The following PPP2R2C variants were observed in gnomAD, a reference collection of about 807,000 sequenced individuals.
PPP2R2C encodes the protein protein phosphatase 2, regulatory subunit B, gamma.
PPP2R2C carries 10 observed loss-of-function variants against 45.3 expected under a neutral mutation model. The ratio of observed to expected loss-of-function variants is 0.22; its 90% CI spans 0.14 to 0.37. The LOEUF (loss-of-function observed/expected upper bound fraction) is 0.37, where lower values mean the gene tolerates loss of function less well. Among genes scored for constraint, PPP2R2C ranks in the 10% least tolerant of loss-of-function variants. PPP2R2C has a pLI of 1.00. For synonymous variants in PPP2R2C, 257 were observed against 245.4 expected (o/e 1.05, Z -0.44); for missense variants, 308 against 619.7 (o/e 0.50, Z 5.34).
At chr4:6,412,984 T>C (rs1172477020) in intron 1 of PPP2R2C, among the ~76,000 whole-genome samples, 1 of 152,192 alleles carries the variant, frequency 6.6e-6, no homozygotes, top group Admixed American at 6.5e-5. Flanking sequence ...CTGTTAGAAA[T>C]GTTTCTGTTG....
chr4:6,363,208 G>T (rs1381103753), intron 5 of PPP2R2C, among the ~76,000 whole-genome samples: 1 of 152,200 alleles, frequency 6.6e-6, no homozygotes, highest in African/African-American at 2.4e-5. Context: ...GCAGTTGTGT[G>T]CTGGTAACTT....
In PPP2R2C at chr4:6,328,714, C is replaced by T. The variant is rs762027840; in HGVS notation, c.1052+548G>A. On this transcript the variant is annotated intron_variant, in intron 8 of 8. Transcript: ENST00000382599. This position sits in a 1 kb window ranked among gnomAD's most constrained non-coding sequence, Gnocchi z 4.4. ...TTTCCAGGCAGGTGGGGTTGAGAGA[C>T]GGCTGGACTTGTGGATTGTGACAAG... Among the ~76,000 whole-genome samples the T allele has an allele frequency of 2.6e-5, 4 of 152,178 alleles. No individual in the cohort carries two copies. The highest frequency in any genetic ancestry group is 2.1e-4 in the South Asian group (1 of 4,832).
intron 1 of PPP2R2C, among the ~76,000 whole-genome samples, chr4:6,427,926 T>C (rs1292489708): frequency 6.6e-6 from 1 of 152,156 alleles, no homozygotes; most frequent in East Asian, 1.9e-4. Flanking sequence ...AGCATCTCAG[T>C]TGATCCCCTA....
chr4:6,483,130 G>C (rs549762007), intron 2 of PPP2R2C, among the ~76,000 whole-genome samples: 1 of 97,988 alleles, frequency 1.0e-5, no homozygotes, highest in African/African-American at 4.1e-5. Context: ...TAGATAGATA[G>C]ATAGATAGAT....
chr4:6,539,302 G>T (rs1020892069), intron 1 of PPP2R2C, among the ~76,000 whole-genome samples: 1 of 152,160 alleles, frequency 6.6e-6, no homozygotes, highest in African/African-American at 2.4e-5. Flanking sequence ...AAGAGGCTGG[G>T]ACAGATTCCC....
intron 1 of PPP2R2C, among the ~76,000 whole-genome samples, chr4:6,465,502 T>G (rs1463302312): frequency 2.6e-5 from 4 of 152,198 alleles, no homozygotes; most frequent in African/African-American, 9.7e-5. Context: ...GCCAACCCTA[T>G]AATTCGTGGG....
intron 4 of PPP2R2C, among the ~76,000 whole-genome samples, chr4:6,375,358 G>A (rs1427378444): frequency 2.0e-5 from 3 of 152,168 alleles, no homozygotes; most frequent in Non-Finnish European, 4.4e-5. Context: ...GGCCTTTGTA[G>A]ATGCTGAAGG....
intron 6 of PPP2R2C, among the ~76,000 whole-genome samples, chr4:6,343,879 G>C (rs1293682144): frequency 6.6e-6 from 1 of 152,222 alleles, no homozygotes; most frequent in African/African-American, 2.4e-5. Context: ...TGGGCAAAGA[G>C]AGTATAAGAA....
chr4:6,347,799 C>T (rs1712137267), intron 6 of PPP2R2C, 47 bp downstream of exon 6: 5 of 1,193,874 alleles, frequency 4.2e-6, no homozygotes, highest in South Asian at 2.7e-5. Context: ...TCCCACCCGC[C>T]CGCCTGCCCA....
rs115439243 is a variant in PPP2R2C at position 6,352,100 on chromosome 4, C to T, written c.626-4090G>A. 9.1e-3 allele frequency among the ~76,000 whole-genome samples: 1,385 copies of T among 152,288 alleles called. 17 individuals are homozygous for T. Among genetic ancestry groups the T allele is most frequent in the African/African-American group, 0.031 (1,292 of 41,560 alleles). ...GTGAACACAGCTTTCTGCCCCACAC[C>T]ATGCCCTCCCCCGTGTGTAGACTTT... is the stretch of plus-strand genomic sequence containing the variant. On this transcript the variant is annotated intron_variant, in intron 5 of 8. Coordinates refer to ENST00000382599, the MANE Select transcript of PPP2R2C (RefSeq NM_020416.4).
At chr4:6,511,401 GA>G (rs1723464187) in intron 2 of PPP2R2C, among the ~76,000 whole-genome samples, 1 of 150,684 alleles carries the variant, frequency 6.6e-6, no homozygotes, top group Non-Finnish European at 1.5e-5. Context: ...TGATGGTGGT[GA>G]TGGTGGTGGT....
At chr4:6,362,319 G>T (rs895321527) in intron 5 of PPP2R2C, among the ~76,000 whole-genome samples, 1 of 152,134 alleles carries the variant, frequency 6.6e-6, no homozygotes, top group African/African-American at 2.4e-5. Flanking sequence ...CAGGCCAAAG[G>T]TCTGGGGCTC....
chr4:6,486,057 C>T (rs187140698), intron 2 of PPP2R2C, among the ~76,000 whole-genome samples: 186 of 151,988 alleles, frequency 1.2e-3, no homozygotes, highest in Admixed American at 3.5e-3. Flanking sequence ...ATGGTTTTAG[C>T]GACATCTCAT....
intron 1 of PPP2R2C, among the ~76,000 whole-genome samples, chr4:6,562,802 G>A (rs1011280906): frequency 1.5e-4 from 23 of 152,260 alleles, no homozygotes; most frequent in African/African-American, 4.1e-4. Flanking sequence ...CAATCCAGGC[G>A]GGGCAGCGTC....
intron 1 of PPP2R2C, among the ~76,000 whole-genome samples, chr4:6,386,448 C>T (rs948830906): frequency 3.9e-5 from 6 of 152,322 alleles, no homozygotes; most frequent in African/African-American, 1.4e-4. Flanking sequence ...TGGGCTGACC[C>T]CAAACCACAC....
At chr4:6,443,704 C>T (rs945043773) in intron 1 of PPP2R2C, among the ~76,000 whole-genome samples, 2 of 152,188 alleles carry the variant, frequency 1.3e-5, no homozygotes, top group African/African-American at 4.8e-5. Flanking sequence ...TGGCAATGCC[C>T]AGCTTGTAGG....
chr4:6,410,876 TATTTATTTATTA>T (rs1718139682), intron 1 of PPP2R2C, among the ~76,000 whole-genome samples: 3 of 148,688 alleles, frequency 2.0e-5, no homozygotes, highest in Admixed American at 1.3e-4. Flanking sequence ...TTTATTTATT[TATTTATTTATTA>T]GACAGAGTCT....
intron 2 of PPP2R2C, among the ~76,000 whole-genome samples, chr4:6,482,020 T>C (rs1722372274): frequency 6.7e-6 from 1 of 148,748 alleles, no homozygotes; most frequent in Admixed American, 6.7e-5. Flanking sequence ...AAGGAAATCC[T>C]GTTGGGATTT....
intron 2 of PPP2R2C, among the ~76,000 whole-genome samples, chr4:6,508,528 G>C (rs187594685): frequency 6.6e-6 from 1 of 152,096 alleles, no homozygotes; most frequent in Non-Finnish European, 1.5e-5. Context: ...GACAGAGCTT[G>C]CAGTGAGCCA....
Sources: gnomAD v4.1 joint callset for allele counts (sites outside exome capture counted in the v4.1 genomes callset) on GRCh38, gnomAD v4.1.1 for gene constraint, Gnocchi (gnomAD v3.1) non-coding constraint, MANE v1.5 for transcripts, NCBI Gene and HGNC (gene_info 2026-07-23, HGNC 2026-07-21) for gene names.